BANK1: variants seen among roughly 807,000 people sequenced by gnomAD.
BANK1 encodes the protein B cell scaffold protein with ankyrin repeats 1.
A neutral mutation model predicts 94.5 loss-of-function variants in BANK1; 95 were observed. The ratio of observed to expected loss-of-function variants is 1.00; its 90% CI spans 0.85 to 1.19. BANK1 has a LOEUF of 1.19. BANK1 is among the 50% of genes most tolerant of loss of function. BANK1 has a pLI of 0.00. For missense variants in BANK1, 987 were observed against 932.2 expected, an observed-to-expected ratio of 1.06 and a Z score of -0.77; for synonymous variants, 334 against 308.4, an observed-to-expected ratio of 1.08 and a Z score of -0.87.
chr4:101,963,656 T>C (rs1724646616), intron 7 of BANK1, among the ~76,000 whole-genome samples: 1 of 152,150 alleles, frequency 6.6e-6, no homozygotes, highest in Non-Finnish European at 1.5e-5. Flanking sequence ...TATTTTGCAT[T>C]ATAAGATTTC....
intron 1 of BANK1, 109 bp downstream of exon 1, chr4:101,791,059 C>T: frequency 2.2e-6 from 2 of 889,084 alleles, no homozygotes; most frequent in Non-Finnish European, 3.3e-6. Context: ...GAGGCCAGGG[C>T]GTCCCTGAGA....
At chr4:101,908,806 A>G (rs1722557816) in intron 6 of BANK1, among the ~76,000 whole-genome samples, 1 of 152,260 alleles carries the variant, frequency 6.6e-6, no homozygotes, top group Non-Finnish European at 1.5e-5. Context: ...ACATGAGAAA[A>G]TGCTCATCAT....
chr4:102,024,958 A>G (rs1483668424), intron 8 of BANK1, among the ~76,000 whole-genome samples: 9 of 152,212 alleles, frequency 5.9e-5, no homozygotes, highest in Non-Finnish European at 1.3e-4. Context: ...CGTTATCTGC[A>G]TGAGTGTGTC....
chr4:101,908,510 A>T (rs375901395), intron 6 of BANK1, among the ~76,000 whole-genome samples: 3 of 152,290 alleles, frequency 2.0e-5, no homozygotes, highest in South Asian at 2.1e-4. Flanking sequence ...GGACTTCATG[A>T]CTAAAACACC....
At chr4:101,839,425 AT>A (rs1726948041) in intron 2 of BANK1, among the ~76,000 whole-genome samples, 1 of 152,110 alleles carries the variant, frequency 6.6e-6, no homozygotes, top group Non-Finnish European at 1.5e-5. Context: ...TCATACTTGT[AT>A]TTTTTTGACT....
At chr4:102,067,488 A>G (rs1728631779) in intron 13 of BANK1, among the ~76,000 whole-genome samples, 1 of 152,092 alleles carries the variant, frequency 6.6e-6, no homozygotes, top group Non-Finnish European at 1.5e-5. Flanking sequence ...AATAGTAAAC[A>G]TAAGCATAAG....
chr4:102,065,901 T>C (rs2148965924), intron 13 of BANK1, among the ~76,000 whole-genome samples: 1 of 152,182 alleles, frequency 6.6e-6, no homozygotes, highest in South Asian at 2.1e-4. Context: ...ACTTTGAAAA[T>C]GAACAGAGTC....
intron 1 of BANK1, among the ~76,000 whole-genome samples, chr4:101,806,906 C>G (rs1476045408): frequency 6.6e-6 from 1 of 152,152 alleles, no homozygotes; most frequent in Non-Finnish European, 1.5e-5. Context: ...AGGAATAGAA[C>G]AAGTTGAACA....
chr4:102,066,405 C>T (rs912277603), intron 13 of BANK1, among the ~76,000 whole-genome samples: 1 of 152,032 alleles, frequency 6.6e-6, no homozygotes, highest in Non-Finnish European at 1.5e-5. Flanking sequence ...TACAGGCACC[C>T]GCCACTACGC....
intron 4 of BANK1, among the ~76,000 whole-genome samples, chr4:101,863,233 C>A (rs1446698114): frequency 1.3e-5 from 2 of 151,728 alleles, no homozygotes; most frequent in Non-Finnish European, 2.9e-5. Context: ...ATTTAAAATT[C>A]CAGATGGAAT....
chr4:102,044,870 G>T (rs1157392484), intron 11 of BANK1, among the ~76,000 whole-genome samples: 2 of 121,002 alleles, frequency 1.7e-5, no homozygotes, highest in African/African-American at 6.4e-5. Flanking sequence ...CCCACTTTTT[G>T]ATGGGGTTGT....
intron 7 of BANK1, among the ~76,000 whole-genome samples, chr4:102,017,396 A>G (rs1443875350): frequency 6.6e-6 from 1 of 152,200 alleles, no homozygotes; most frequent in Non-Finnish European, 1.5e-5. Flanking sequence ...CCTGATATTC[A>G]TAACTGTAGT....
At chr4:101,842,693 C>T (rs1490748151) in intron 2 of BANK1, among the ~76,000 whole-genome samples, 1 of 152,128 alleles carries the variant, frequency 6.6e-6, no homozygotes, top group Non-Finnish European at 1.5e-5. Flanking sequence ...TTTTATATTT[C>T]AGAGTCTAGG....
intron 6 of BANK1, among the ~76,000 whole-genome samples, chr4:101,901,509 T>A (rs1191467934): frequency 6.6e-6 from 1 of 152,146 alleles, no homozygotes; most frequent in Non-Finnish European, 1.5e-5. Flanking sequence ...ATCAGATAAA[T>A]AAGACTGAGT....
At chr4:101,958,768 C>T (rs984656063) in intron 7 of BANK1, among the ~76,000 whole-genome samples, 5 of 152,178 alleles carry the variant, frequency 3.3e-5, no homozygotes, top group African/African-American at 7.2e-5. Context: ...ATGCTCTTCT[C>T]GGCAGAGTTC....
At chr4:102,056,576 G>A (rs529142350) in intron 11 of BANK1, among the ~76,000 whole-genome samples, 8 of 151,664 alleles carry the variant, frequency 5.3e-5, no homozygotes, top group African/African-American at 1.7e-4. Context: ...ACTTAAAAAG[G>A]ACCACCAAGA....
At chr4:101,870,677 T>C (rs966290596) in intron 5 of BANK1, 33 bp downstream of exon 5, 2 of 1,596,312 alleles carry the variant, frequency 1.3e-6, no homozygotes, top group African/African-American at 2.7e-5. Context: ...TTAATCATAA[T>C]GTAAGCTGAA....
chr4:101,792,170 C>G (rs1725008488), intron 1 of BANK1, among the ~76,000 whole-genome samples: 1 of 151,990 alleles, frequency 6.6e-6, no homozygotes, highest in African/African-American at 2.4e-5. Flanking sequence ...TACTTTGAGG[C>G]ACTTGCTATT....
chr4:101,982,560 G>A (rs1413311605), intron 7 of BANK1, among the ~76,000 whole-genome samples: 1 of 151,882 alleles, frequency 6.6e-6, no homozygotes, highest in African/African-American at 2.4e-5. Context: ...ACATATTGTA[G>A]GCAATCAATA....
Sources: gnomAD v4.1 joint callset for allele counts (sites outside exome capture counted in the v4.1 genomes callset) on GRCh38, gnomAD v4.1.1 for gene constraint, MANE v1.5 for transcripts, NCBI Gene and HGNC (gene_info 2026-07-23, HGNC 2026-07-21) for gene names.